Variants in GAB2 observed in about 807,000 individuals in gnomAD.
GAB2 encodes GRB2-associated-binding protein 2.
GAB2 carries 26 observed loss-of-function variants against 65.5 expected under a neutral mutation model. The ratio of observed to expected loss-of-function variants is 0.40; its 90% CI spans 0.29 to 0.55. The LOEUF (loss-of-function observed/expected upper bound fraction) is 0.55. Among genes scored for constraint, GAB2 ranks in the 20% least tolerant of loss-of-function variants. GAB2 has a pLI of 0.53. For missense variants in GAB2, 884 were observed against 875.8 expected, an observed-to-expected ratio of 1.01 and a Z score of -0.12; for synonymous variants, 321 against 329.6, an observed-to-expected ratio of 0.97 and a Z score of 0.28.
chr11:78,292,286 C>T (rs189275690), intron 1 of GAB2, among the ~76,000 whole-genome samples: 76 of 152,282 alleles, frequency 5.0e-4, no homozygotes, highest in Non-Finnish European at 8.7e-4. Context: ...CCAGGAGTTT[C>T]GCAAAAGCCT....
At chr11:78,268,365 C>T (rs1429005833) in intron 2 of GAB2, among the ~76,000 whole-genome samples, 1 of 152,080 alleles carries the variant, frequency 6.6e-6, no homozygotes, top group Non-Finnish European at 1.5e-5. Context: ...GTTCTGAATC[C>T]TACGTAGCGC....
intron 1 of GAB2, among the ~76,000 whole-genome samples, chr11:78,321,598 C>T (rs1855725226): frequency 6.6e-6 from 1 of 152,122 alleles, no homozygotes; most frequent in African/African-American, 2.4e-5. Context: ...ATTTTATAAA[C>T]ATTGTACTAG....
rs548988387 is a variant in GAB2 at position 78,221,795 on chromosome 11, A to G, written c.1659-16T>C. ...GAAGGTGTGGCTGTTGTGGGAAGGA[A>G]GAGTTAACACTGGGGAAGCTGCATG... On this transcript the variant is annotated splice_polypyrimidine_tract_variant and intron_variant, in intron 7 of 9. Coordinates refer to ENST00000361507, the MANE Select transcript of GAB2 (RefSeq NM_080491.3). The G allele has an allele frequency of 1.3e-6, 2 of 1,577,314 alleles. No individual in the cohort carries two copies. Among genetic ancestry groups the G allele is most frequent in the Admixed American group, 1.7e-5 (1 of 59,840 alleles).
chr11:78,268,809 G>C (rs536292102), intron 2 of GAB2, among the ~76,000 whole-genome samples: 1 of 151,532 alleles, frequency 6.6e-6, no homozygotes, highest in African/African-American at 2.4e-5. Flanking sequence ...GTTTCTCCCT[G>C]TCTCCTTTTC....
intron 1 of GAB2, among the ~76,000 whole-genome samples, chr11:78,366,396 A>G (rs559494934): frequency 4.6e-5 from 7 of 152,152 alleles, no homozygotes; most frequent in Admixed American, 3.9e-4. Flanking sequence ...CCTGGCCAAC[A>G]TGGCGAAATT....
chr11:78,356,826 G>A (rs1462692766), intron 1 of GAB2, among the ~76,000 whole-genome samples: 1 of 152,182 alleles, frequency 6.6e-6, no homozygotes, highest in African/African-American at 2.4e-5. Context: ...GCCTTAAAAG[G>A]AATGGCATTC....
intron 1 of GAB2, among the ~76,000 whole-genome samples, chr11:78,366,163 C>T (rs1362125621): frequency 6.6e-6 from 1 of 152,202 alleles, no homozygotes; most frequent in African/African-American, 2.4e-5. Flanking sequence ...AGTGTTTATA[C>T]AGAGTTGGCA....
Position 78,362,081 on chromosome 11 carries a change from TAA to T in GAB2, c.75+55563_75+55564del, listed in dbSNP as rs78438663. 4.1e-3 allele frequency among the ~76,000 whole-genome samples: 574 copies of T among 140,240 alleles called. 5 individuals are homozygous for T. The highest frequency in any genetic ancestry group is 0.013 in the African/African-American group (492 of 37,962). 92.0% of individuals were successfully genotyped at this position (140,240 alleles called of 152,430 possible). A position where few individuals can be genotyped will look rare whatever the true frequency, so the allele number is the denominator to read the frequency against. ...AAGAGCATCAAGATATATTATGAAG[TAA>T]AAAAAAAAAAAGCAAGTATAGAGAA... On this transcript the variant is annotated intron_variant, in intron 1 of 9. Coordinates refer to ENST00000361507, the MANE Select transcript of GAB2 (RefSeq NM_080491.3).
chr11:78,242,401 T>G (rs977352956), intron 3 of GAB2, among the ~76,000 whole-genome samples: 1 of 151,532 alleles, frequency 6.6e-6, no homozygotes, highest in Admixed American at 6.6e-5. Flanking sequence ...ACACAGGAGG[T>G]TGAGGCAGGA....
At chr11:78,221,897 T>TC in intron 7 of GAB2, 118 bp from the exon 8 acceptor site, 3 of 706,468 alleles carry the variant, frequency 4.2e-6, no homozygotes, top group South Asian at 3.4e-5. Flanking sequence ...AGCTGCACAC[T>TC]CCATCAGATT....
intron 1 of GAB2, among the ~76,000 whole-genome samples, chr11:78,291,555 C>CTTTTCTTTT (rs1866677044): frequency 1.8e-5 from 1 of 55,046 alleles, no homozygotes; most frequent in Non-Finnish European, 3.5e-5. Context: ...TTACTTTTTT[C>CTTTTCTTTT]TTTTTCTTTT....
At chr11:78,282,252 C>T (rs1462307011) in intron 1 of GAB2, among the ~76,000 whole-genome samples, 1 of 152,036 alleles carries the variant, frequency 6.6e-6, no homozygotes, top group Non-Finnish European at 1.5e-5. Context: ...TGCACAAAGA[C>T]TACATATAAC....
rs569548792 is a variant in GAB2, at chr11:78,409,937, A to G, written c.75+7709T>C. The stretch of plus-strand genomic sequence containing the variant: ...AAATAGAACTTACTCTACTCCCACA[A>G]TGAATTCCAACTAAAAGACAGAAAC... On this transcript the variant is annotated intron_variant, in intron 1 of 9. Transcript: ENST00000361507. 2.0e-3 allele frequency among the ~76,000 whole-genome samples: 301 copies of G among 152,312 alleles called. 2 individuals carry two copies. Among genetic ancestry groups the G allele is most frequent in the Non-Finnish European group, 2.4e-3 (165 of 68,028 alleles).
At chr11:78,273,126 G>A (rs1013639269) in intron 2 of GAB2, among the ~76,000 whole-genome samples, 1 of 152,262 alleles carries the variant, frequency 6.6e-6, no homozygotes, top group Non-Finnish European at 1.5e-5. Flanking sequence ...CTAGGGCAGT[G>A]CAGAAGGGAA....
intron 1 of GAB2, among the ~76,000 whole-genome samples, chr11:78,312,296 A>AC: frequency 6.6e-6 from 1 of 152,052 alleles, no homozygotes; most frequent in South Asian, 2.1e-4. Context: ...TACCACCACC[A>AC]CCACCACCAC....
intron 1 of GAB2, among the ~76,000 whole-genome samples, chr11:78,404,976 G>C (rs554172276): frequency 1.4e-4 from 21 of 151,592 alleles, no homozygotes; most frequent in Middle Eastern, 6.8e-3. Context: ...TTATATGCTT[G>C]TATCAAAATT....
At chr11:78,231,453 G>A (rs1263929217) in intron 3 of GAB2, among the ~76,000 whole-genome samples, 1 of 152,044 alleles carries the variant, frequency 6.6e-6, no homozygotes, top group Admixed American at 6.6e-5. Context: ...GGTTCAAAGC[G>A]ATTCTCCTGC....
At chr11:78,314,654 TGCTTTCTCCCA>T (rs1855565009) in intron 1 of GAB2, among the ~76,000 whole-genome samples, 1 of 152,226 alleles carries the variant, frequency 6.6e-6, no homozygotes, top group African/African-American at 2.4e-5. Flanking sequence ...AGAAGTACCT[TGCTTTCTCCCA>T]GCTAGATTAC....
At chr11:78,318,217 A>C (rs1370734574) in intron 1 of GAB2, 1 of 151,810 alleles carries the variant, frequency 6.6e-6, no homozygotes, top group Non-Finnish European at 1.5e-5. Context: ...ATCAGGAGTG[A>C]ATCTGGTGGA....
Sources: gnomAD v4.1 joint callset for allele counts (sites outside exome capture counted in the v4.1 genomes callset) on GRCh38, gnomAD v4.1.1 for gene constraint, MANE v1.5 for transcripts, NCBI Gene and HGNC (gene_info 2026-07-23, HGNC 2026-07-21) for gene names.